The following ANKS1B variants were observed in gnomAD, a reference collection of about 807,000 sequenced individuals.
ANKS1B encodes the protein ankyrin repeat and sterile alpha motif domain-containing protein 1B.
In ANKS1B, 36 loss-of-function variants were observed where a neutral mutation model predicts 148.3. The observed-to-expected ratio is 0.24, with a 90% CI of 0.19 to 0.32. The LOEUF (loss-of-function observed/expected upper bound fraction) is 0.32, where lower values mean the gene tolerates loss of function less well. ANKS1B is among the 10% of genes least tolerant of loss of function. The pLI is 1.00. For synonymous variants in ANKS1B, 542 were observed against 560.8 expected, an observed-to-expected ratio of 0.97 and a Z score of 0.47; for missense variants, 1,157 against 1,542.6, an observed-to-expected ratio of 0.75 and a Z score of 4.19.
chr12:99,042,433 C>T (rs1229337592), intron 17 of ANKS1B, among the ~76,000 whole-genome samples: 1 of 152,220 alleles, frequency 6.6e-6, no homozygotes, highest in Non-Finnish European at 1.5e-5. Flanking sequence ...CTAGAGCCAA[C>T]TGCCAGATGT....
At chr12:99,253,865 G>C (rs1602103700) in intron 12 of ANKS1B, among the ~76,000 whole-genome samples, 1 of 152,282 alleles carries the variant, frequency 6.6e-6, no homozygotes, top group African/African-American at 2.4e-5. Context: ...AAGATGCAAT[G>C]AGAAAAATGC....
chr12:99,283,007 G>A (rs2078676618), intron 12 of ANKS1B, among the ~76,000 whole-genome samples: 1 of 152,160 alleles, frequency 6.6e-6, no homozygotes, highest in South Asian at 2.1e-4. Flanking sequence ...AACTAAGCCT[G>A]GAGCATTCTG....
intron 14 of ANKS1B, among the ~76,000 whole-genome samples, chr12:99,207,023 G>A (rs1417641961): frequency 6.6e-6 from 1 of 152,110 alleles, no homozygotes; most frequent in African/African-American, 2.4e-5. Flanking sequence ...GTTACGACAA[G>A]GTCTGTCTGG....
intron 11 of ANKS1B, among the ~76,000 whole-genome samples, chr12:99,414,065 T>C (rs1166876110): frequency 6.6e-6 from 1 of 152,094 alleles, no homozygotes; most frequent in Non-Finnish European, 1.5e-5. Context: ...TCTTGAGCCC[T>C]TCTCTGAGGT....
chr12:98,950,145 A>ACTCC (rs1380667997), intron 17 of ANKS1B, among the ~76,000 whole-genome samples: 1 of 152,154 alleles, frequency 6.6e-6, no homozygotes, highest in Non-Finnish European at 1.5e-5. Flanking sequence ...TCAAGTAGTA[A>ACTCC]CTCCCAAGGG....
intron 17 of ANKS1B, among the ~76,000 whole-genome samples, chr12:98,930,844 G>A (rs1433970894): frequency 6.6e-6 from 1 of 152,018 alleles, no homozygotes; most frequent in African/African-American, 2.4e-5. Context: ...GTGAGTACAC[G>A]AAAACCACTG....
intron 17 of ANKS1B, among the ~76,000 whole-genome samples, chr12:98,933,112 G>A (rs577058109): frequency 6.6e-6 from 1 of 152,190 alleles, no homozygotes; most frequent in Admixed American, 6.5e-5. Flanking sequence ...TATGGCTGTT[G>A]ATTAGTAACT....
intron 19 of ANKS1B, among the ~76,000 whole-genome samples, chr12:98,822,074 G>GAGCAATGC (rs1216174325): frequency 6.6e-6 from 1 of 152,074 alleles, no homozygotes; most frequent in Non-Finnish European, 1.5e-5. Context: ...GAGAGCCAGA[G>GAGCAATGC]AGCAATGCAG....
At chr12:99,843,735 A>G (rs1276416121) in intron 1 of ANKS1B, among the ~76,000 whole-genome samples, 1 of 152,070 alleles carries the variant, frequency 6.6e-6, no homozygotes, top group Non-Finnish European at 1.5e-5. Flanking sequence ...ATGTATCTTT[A>G]TAACAGAATA....
chr12:99,525,309 T>A (rs1327082460), intron 9 of ANKS1B, among the ~76,000 whole-genome samples: 8 of 152,226 alleles, frequency 5.3e-5, no homozygotes, highest in Non-Finnish European at 1.2e-4. Context: ...CGTTTTTAAA[T>A]GTAATACAAT....
chr12:98,909,926 C>T (rs1201665832), intron 17 of ANKS1B, among the ~76,000 whole-genome samples: 1 of 152,212 alleles, frequency 6.6e-6, no homozygotes, highest in East Asian at 1.9e-4. Flanking sequence ...CAGCTCCATA[C>T]CTCAGGGGGC....
At chr12:99,657,287 G>T (rs1022880904) in intron 8 of ANKS1B, among the ~76,000 whole-genome samples, 1 of 152,136 alleles carries the variant, frequency 6.6e-6, no homozygotes, top group Non-Finnish European at 1.5e-5. Context: ...ACCCAGACTA[G>T]GGGGCTGCAA....
At chr12:99,038,223 A>C (rs972852229) in intron 17 of ANKS1B, among the ~76,000 whole-genome samples, 16 of 152,088 alleles carry the variant, frequency 1.1e-4, no homozygotes, top group Non-Finnish European at 2.2e-4. Context: ...TAGGTAGTTC[A>C]ATTTACCATG....
intron 12 of ANKS1B, among the ~76,000 whole-genome samples, chr12:99,374,836 A>G (rs946573461): frequency 1.3e-5 from 2 of 152,136 alleles, no homozygotes; most frequent in African/African-American, 4.8e-5. Flanking sequence ...TTACTTATTT[A>G]TTTTATTTTT....
At chr12:99,065,518 TG>T (rs1419540843) in intron 16 of ANKS1B, among the ~76,000 whole-genome samples, 2 of 152,126 alleles carry the variant, frequency 1.3e-5, no homozygotes, top group Non-Finnish European at 1.5e-5. Context: ...GTCATTCACA[TG>T]GTGGTCAAAC....
chr12:99,419,546 A>C (rs2095020798), intron 11 of ANKS1B, among the ~76,000 whole-genome samples: 1 of 152,220 alleles, frequency 6.6e-6, no homozygotes, highest in Admixed American at 6.5e-5. Context: ...GATTTACAGA[A>C]GATATGTTCC....
At chr12:99,806,746 T>A (rs764987145) in intron 3 of ANKS1B, 46 bp from the exon 4 acceptor site, 327 of 1,557,010 alleles carry the variant, frequency 2.1e-4, no homozygotes, top group Non-Finnish European at 2.4e-4. Context: ...AAATTCAATT[T>A]GTTATCAAAA....
chr12:99,100,403 A>G (rs2057586914), intron 15 of ANKS1B, among the ~76,000 whole-genome samples: 1 of 152,184 alleles, frequency 6.6e-6, no homozygotes, highest in Non-Finnish European at 1.5e-5. Context: ...CTGAAGTGCT[A>G]TCATGCTGCC....
At chr12:99,516,402 T>C (rs2096821562) in intron 9 of ANKS1B, among the ~76,000 whole-genome samples, 1 of 152,058 alleles carries the variant, frequency 6.6e-6, no homozygotes, top group Admixed American at 6.6e-5. Flanking sequence ...CAGAATACTA[T>C]GCACCCATAA....
Sources: allele counts gnomAD v4.1 joint callset (sites outside exome capture counted in the v4.1 genomes callset), GRCh38; gene constraint gnomAD v4.1.1; transcripts MANE v1.5; gene names NCBI Gene and HGNC (gene_info 2026-07-23, HGNC 2026-07-21).